Variants in TSPAN13 observed in about 807,000 individuals in gnomAD.
TSPAN13 encodes the protein tetraspanin 13.
Under a neutral mutation model 26.9 loss-of-function variants are expected in TSPAN13, and 18 were observed. The ratio of observed to expected loss-of-function variants is 0.67; its 90% CI spans 0.46 to 0.99. The LOEUF (loss-of-function observed/expected upper bound fraction) is 0.99, where lower values mean the gene tolerates loss of function less well. Among genes scored for constraint, TSPAN13 ranks in the 50% least tolerant of loss-of-function variants. The pLI, the probability that TSPAN13 is intolerant of heterozygous loss-of-function variation, is 0.00. For synonymous variants in TSPAN13, 116 were observed against 98.4 expected, an observed-to-expected ratio of 1.18 and a Z score of -1.06; for missense variants, 201 against 249.6, an observed-to-expected ratio of 0.81 and a Z score of 1.31.
intron 1 of TSPAN13, among the ~76,000 whole-genome samples, chr7:16,754,339 C>T (rs534353251): frequency 6.6e-6 from 1 of 152,252 alleles, no homozygotes; most frequent in African/African-American, 2.4e-5. Context: ...AACCGGACCT[C>T]TCCGCTTTCC....
intron 1 of TSPAN13, among the ~76,000 whole-genome samples, chr7:16,762,228 G>C (rs543506818): frequency 6.6e-6 from 1 of 152,208 alleles, no homozygotes; most frequent in Non-Finnish European, 1.5e-5. Flanking sequence ...ATATTGTATA[G>C]ATTGGAGAAT....
chr7:16,754,537 C>G (rs1289806712), intron 1 of TSPAN13, among the ~76,000 whole-genome samples: 1 of 152,208 alleles, frequency 6.6e-6, no homozygotes, highest in Non-Finnish European at 1.5e-5. Context: ...ATTGAGGCCA[C>G]TGAGTAGGTT....
Position 16,776,304 on chromosome 7 carries a change from G to A in TSPAN13, c.157G>A (p.Gly53Ser). ...LRVVGVVIAV[G>S]IFLFLIALVG... Reference sequence around the variant, plus strand: ...AGTGGTCGGCGTGGTCATTGCAGTGGGCATCTTCTTGTTCCTGATTGCTTT... The same window carrying A: ...AGTGGTCGGCGTGGTCATTGCAGTGAGCATCTTCTTGTTCCTGATTGCTTT... Residue 53 changes from glycine to serine, a missense_variant, in exon 2 of 6, where the codon GGC becomes AGC. Physicochemically the swap from Gly to Ser is moderately conservative, Grantham distance 56. Transcript: ENST00000262067. The A allele has an allele frequency of 1.9e-6, 3 of 1,613,924 alleles. No homozygotes were observed. Among genetic ancestry groups the A allele is most frequent in the Non-Finnish European group, 2.5e-6 (3 of 1,179,960 alleles).
intron 4 of TSPAN13, 43 bp from the exon 5 acceptor site, chr7:16,778,960 A>C: frequency 1.4e-6 from 2 of 1,437,838 alleles, no homozygotes; most frequent in Non-Finnish European, 1.9e-6. Flanking sequence ...GCTTTTTATA[A>C]ATGTATTTTG....
chr7:16,778,027 A>G (rs1163818751), intron 4 of TSPAN13, 116 bp downstream of exon 4: 5 of 716,464 alleles, frequency 7.0e-6, no homozygotes, highest in Non-Finnish European at 1.1e-5. Flanking sequence ...TTTTATGTAT[A>G]TATTTACATT....
At chr7:16,757,755 A>C (rs942617124) in intron 1 of TSPAN13, among the ~76,000 whole-genome samples, 11 of 152,204 alleles carry the variant, frequency 7.2e-5, no homozygotes, top group Non-Finnish European at 1.5e-4. Context: ...CTCATGCAGC[A>C]TAAAAATTAT....
chr7:16,782,371 A>G (rs755519648), intron 5 of TSPAN13, among the ~76,000 whole-genome samples: 19 of 152,204 alleles, frequency 1.2e-4, no homozygotes, highest in Non-Finnish European at 2.4e-4. Context: ...GTAGTTTAAA[A>G]GGGCTAATGG....
At chr7:16,754,895 C>T (rs115033007) in intron 1 of TSPAN13, among the ~76,000 whole-genome samples, 1 of 152,162 alleles carries the variant, frequency 6.6e-6, no homozygotes, top group Non-Finnish European at 1.5e-5. Context: ...AATGCTCGTT[C>T]ATCATTCTGA....
chr7:16,769,014 CA>C (rs1784644055), intron 1 of TSPAN13, among the ~76,000 whole-genome samples: 1 of 151,862 alleles, frequency 6.6e-6, no homozygotes, highest in African/African-American at 2.4e-5. Context: ...CTAGTAGAGA[CA>C]GGGTTTCACT....
At chr7:16,766,809 T>A (rs1405733311) in intron 1 of TSPAN13, among the ~76,000 whole-genome samples, 2 of 152,178 alleles carry the variant, frequency 1.3e-5, no homozygotes, top group East Asian at 3.8e-4. Flanking sequence ...GGTGACTTAG[T>A]AAGAAGGGGG....
At position 16,783,611 on chromosome 7, in the gene TSPAN13, T is replaced by C. The variant is rs2115341110; in HGVS notation, c.*120T>C. On this transcript the variant is annotated 3_prime_UTR_variant, in exon 6 of 6. Transcript: ENST00000262067. ...ACTATCTGGAAAAGTACCTTATTGA[T>C]AGTGGAATTATATATTTTTACTCTA... The C allele has an allele frequency of 2.3e-6, 2 of 859,440 alleles. No individual in the cohort carries two copies. Among genetic ancestry groups the C allele is most frequent in the Non-Finnish European group, 3.8e-6 (2 of 529,254 alleles). 53.2% of individuals were successfully genotyped at this position (859,440 alleles called of 1,614,324 possible).
chr7:16,781,067 G>A (rs1015372742), intron 5 of TSPAN13, among the ~76,000 whole-genome samples: 1 of 152,134 alleles, frequency 6.6e-6, no homozygotes, highest in Non-Finnish European at 1.5e-5. Context: ...AGAAAGATTT[G>A]ATTTGAACTA....
chr7:16,760,107 A>C (rs1188678923), intron 1 of TSPAN13, among the ~76,000 whole-genome samples: 1 of 152,176 alleles, frequency 6.6e-6, no homozygotes, highest in African/African-American at 2.4e-5. Flanking sequence ...CCAGGAGAGC[A>C]CTATAGGGCC....
At chr7:16,773,659 T>G (rs1784708048) in intron 1 of TSPAN13, among the ~76,000 whole-genome samples, 1 of 152,220 alleles carries the variant, frequency 6.6e-6, no homozygotes, top group Non-Finnish European at 1.5e-5. Flanking sequence ...AATTTACTAT[T>G]TAAGCAGGTG....
In TSPAN13 at chr7:16,783,426, G is replaced by A; in HGVS notation, c.550G>A (p.Val184Ile). 6.2e-7 allele frequency: 1 copy of A among 1,613,452 alleles called. No homozygotes were observed. The highest frequency in any genetic ancestry group is 8.5e-7 in the Non-Finnish European group (1 of 1,179,686). Residue 184 changes from valine (V) to isoleucine (I), a missense_variant, in exon 6 of 6, where the codon GTT (valine) becomes ATT (isoleucine). Physicochemically the swap from Val to Ile is conservative, Grantham distance 29 (BLOSUM62 3). Transcript: ENST00000262067. Reference protein sequence around the residue: ...LFFSFTEILGVWLTYRYRNQK... With the variant: ...LFFSFTEILGIWLTYRYRNQK... Reference sequence around the variant, plus strand: ...TTTTTCCCCATTCCAGATCCTGGGTGTTTGGCTGACCTACAGATACAGGAA... The same window carrying A: ...TTTTTCCCCATTCCAGATCCTGGGTATTTGGCTGACCTACAGATACAGGAA...
rs542155429 is a variant in TSPAN13 at position 16,773,068 on chromosome 7, C to T, written c.64-3143C>T. ...CTTTTACTACTGAAGATTATATTCA[C>T]AGAGGGGTCAGCTGGGCTATTCTGT... On this transcript the variant is annotated intron_variant, in intron 1 of 5. Coordinates refer to ENST00000262067, the MANE Select transcript of TSPAN13 (RefSeq NM_014399.4). 4.0e-5 allele frequency among the ~76,000 whole-genome samples: 6 copies of T among 151,324 alleles called. No individual in the cohort carries two copies. The East Asian group carries it at 1.2e-3, about 29-fold the overall frequency.
chr7:16,778,283 G>T (rs936693848), intron 4 of TSPAN13, among the ~76,000 whole-genome samples: 1 of 152,200 alleles, frequency 6.6e-6, no homozygotes, highest in African/African-American at 2.4e-5. Context: ...CCTCAGTGAG[G>T]CTTCTTTTGT....
intron 1 of TSPAN13, among the ~76,000 whole-genome samples, chr7:16,759,361 T>A (rs1784516443): frequency 1.3e-5 from 2 of 152,280 alleles, no homozygotes; most frequent in South Asian, 4.1e-4. Context: ...AGGAAGTCCC[T>A]GTGTCACATG....
At chr7:16,759,953 C>T (rs991289309) in intron 1 of TSPAN13, among the ~76,000 whole-genome samples, 1 of 152,144 alleles carries the variant, frequency 6.6e-6, no homozygotes, top group Non-Finnish European at 1.5e-5. Flanking sequence ...TCCCAAATTG[C>T]TTGGATTACA....
Sources: gnomAD v4.1 joint callset for allele counts (sites outside exome capture counted in the v4.1 genomes callset) on GRCh38, gnomAD v4.1.1 for gene constraint, MANE v1.5 for transcripts, NCBI Gene and HGNC (gene_info 2026-07-23, HGNC 2026-07-21) for gene names.